The following MRC1 variants were observed in gnomAD, a reference collection of about 807,000 sequenced individuals.
MRC1 encodes macrophage mannose receptor 1.
A neutral mutation model predicts 102.9 loss-of-function variants in MRC1; 62 were observed. The observed-to-expected ratio is 0.60, with a 90% confidence interval of 0.49 to 0.74. The LOEUF (loss-of-function observed/expected upper bound fraction) is 0.74, where lower values mean the gene tolerates loss of function less well. Ranked by LOEUF, MRC1 falls within the 30% of genes least tolerant of loss-of-function variation. MRC1 has a pLI of 0.00. For synonymous variants in MRC1, 457 were observed against 298.4 expected, an observed-to-expected ratio of 1.53 and a Z score of -5.48; for missense variants, 1,237 against 862.8, an observed-to-expected ratio of 1.43 and a Z score of -5.43.
intron 3 of MRC1, among the ~76,000 whole-genome samples, chr10:17,832,601 T>G (rs1838592613): frequency 4.1e-5 from 6 of 147,704 alleles, no homozygotes; most frequent in Non-Finnish European, 7.4e-5. Flanking sequence ...ATTTATTTAG[T>G]TTTTGAGACG....
At chr10:17,843,790 G>T (rs1705570421) in intron 5 of MRC1, among the ~76,000 whole-genome samples, 1 of 152,064 alleles carries the variant, frequency 6.6e-6, no homozygotes, top group African/African-American at 2.4e-5. Flanking sequence ...CTTTAAAAAG[G>T]TTATTTAGGT....
At chr10:17,849,462 C>A in intron 6 of MRC1, 117 bp from the exon 7 acceptor site, 1 of 629,890 alleles carries the variant, frequency 1.6e-6, no homozygotes, top group Non-Finnish European at 2.9e-6. Context: ...TAAATGTTAC[C>A]TTTATTTGCC....
intron 1 of MRC1, among the ~76,000 whole-genome samples, chr10:17,819,438 T>G (rs924319501): frequency 1.7e-4 from 25 of 148,958 alleles, no homozygotes; most frequent in African/African-American, 6.3e-4. Context: ...GGTATATGTA[T>G]GAATTCAGAG....
chr10:17,833,937 C>G (rs1838622049), intron 4 of MRC1, 98 bp downstream of exon 4: 1 of 708,612 alleles, frequency 1.4e-6, no homozygotes, highest in Admixed American at 2.1e-5. Flanking sequence ...GATGTTATGA[C>G]AGAAGCAATT....
At chr10:17,864,446 A>G (rs1292641810) in intron 11 of MRC1, among the ~76,000 whole-genome samples, 2 of 151,320 alleles carry the variant, frequency 1.3e-5, no homozygotes, top group Non-Finnish European at 2.9e-5. Flanking sequence ...CATATCTTCC[A>G]TGTGCTACCA....
chr10:17,907,874 TGA>T (rs1399870080), intron 28 of MRC1, among the ~76,000 whole-genome samples, 176 bp downstream of exon 28: 14 of 152,238 alleles, frequency 9.2e-5, no homozygotes, highest in African/African-American at 2.9e-4. Flanking sequence ...TCTGCGTGAG[TGA>T]GAGACACTCT....
chr10:17,872,277 T>C (rs1247022377), intron 15 of MRC1, 151 bp downstream of exon 15: 2 of 741,070 alleles, frequency 2.7e-6, no homozygotes, highest in African/African-American at 3.5e-5. Context: ...AGCATGAAGT[T>C]GATAAGCACA....
At position 17,813,428 on chromosome 10, in the gene MRC1, G is replaced by A. The variant is rs1266533326; in HGVS notation, c.61+3902G>A. 2.6e-5 allele frequency among the ~76,000 whole-genome samples: 4 copies of A among 152,070 alleles called. No homozygotes were observed. The East Asian group carries it at 7.7e-4, about 29-fold the overall frequency. Reference sequence around the variant, plus strand: ...TTATCACAGTAGTGGTTTTTCACAAGCACTCTTGAAAACTTTGATTCCAAT... The same window carrying A: ...TTATCACAGTAGTGGTTTTTCACAAACACTCTTGAAAACTTTGATTCCAAT... On this transcript the variant is annotated intron_variant, in intron 1 of 29. Transcript: ENST00000569591.
intron 17 of MRC1, among the ~76,000 whole-genome samples, chr10:17,877,634 A>T (rs1167111942): frequency 6.6e-6 from 1 of 152,146 alleles, no homozygotes; most frequent in East Asian, 1.9e-4. Context: ...ATTGTTGAAG[A>T]CATTCTTTAA....
chr10:17,905,723 G>C (rs1833886020), intron 26 of MRC1, among the ~76,000 whole-genome samples: 3 of 152,146 alleles, frequency 2.0e-5, no homozygotes, highest in African/African-American at 7.2e-5. Flanking sequence ...TCAGAACTCA[G>C]TAATATGGGA....
At chr10:17,822,511 C>G (rs1288152377) in intron 1 of MRC1, among the ~76,000 whole-genome samples, 1 of 152,108 alleles carries the variant, frequency 6.6e-6, no homozygotes, top group Non-Finnish European at 1.5e-5. Flanking sequence ...GTCCCAGCTA[C>G]TTGGGAGGCT....
At position 17,910,954 on chromosome 10, in the gene MRC1, C is replaced by T. The variant is rs1229429778; in HGVS notation, c.*489C>T. 1 of 178,600 alleles carries T rather than the reference C, an allele frequency of 5.6e-6. No homozygotes were observed. The highest frequency in any genetic ancestry group is 1.2e-5 in the Non-Finnish European group (1 of 83,002). 11.1% of individuals were successfully genotyped at this position (178,600 alleles called of 1,614,324 possible). ...TTATTTCCACTCCAATTATTTAGAACTTTATTTGTACATGTGCAGAAGAAT... is the reference window on the plus strand; with the variant it reads ...TTATTTCCACTCCAATTATTTAGAATTTTATTTGTACATGTGCAGAAGAAT... On this transcript the variant is annotated 3_prime_UTR_variant, in exon 30 of 30. Coordinates refer to ENST00000569591, the MANE Select transcript of MRC1 (RefSeq NM_002438.4).
intron 6 of MRC1, 113 bp from the exon 7 acceptor site, chr10:17,849,466 A>AT: frequency 3.1e-6 from 2 of 642,498 alleles, no homozygotes; most frequent in Non-Finnish European, 5.7e-6. Context: ...TGTTACCTTT[A>AT]TTTGCCTAGT....
intron 9 of MRC1, among the ~76,000 whole-genome samples, chr10:17,857,997 G>C (rs1250259965): frequency 1.3e-5 from 2 of 152,126 alleles, no homozygotes; most frequent in African/African-American, 4.8e-5. Flanking sequence ...AACCCCACAG[G>C]TGAGACTGAA....
At chr10:17,873,710 T>C (rs1833387226) in intron 15 of MRC1, 74 bp from the exon 16 acceptor site, 2 of 839,926 alleles carry the variant, frequency 2.4e-6, no homozygotes, top group Middle Eastern at 2.2e-4. Context: ...CTCATGAAAA[T>C]AGTGACAATA....
chr10:17,848,224 T>C (rs1035021138), intron 6 of MRC1, among the ~76,000 whole-genome samples: 1 of 152,220 alleles, frequency 6.6e-6, no homozygotes, highest in African/African-American at 2.4e-5. Flanking sequence ...TTAAATAATA[T>C]ATACGTTCAC....
intron 2 of MRC1, among the ~76,000 whole-genome samples, chr10:17,826,445 G>T (rs1053768185): frequency 1.3e-5 from 2 of 152,118 alleles, no homozygotes; most frequent in African/African-American, 4.8e-5. Context: ...CTAGTGATCC[G>T]CCTGCCTTGG....
In MRC1 at chr10:17,809,807, CGTT is replaced by C. The variant is rs1339016492; in HGVS notation, c.61+285_61+287del. On this transcript the variant is annotated intron_variant, in intron 1 of 29. Transcript: ENST00000569591. ...TGTCCTCCTGACTTCTCTCATCGCTCGTTGTTCCTTCCCTGTTTTCTTCGTGCA... is the reference window on the plus strand; with the variant it reads ...TGTCCTCCTGACTTCTCTCATCGCTCGTTCCTTCCCTGTTTTCTTCGTGCA... Among the ~76,000 whole-genome samples the C allele has an allele frequency of 8.5e-5, 13 of 152,246 alleles. 1 individual carries two copies. In the East Asian group the frequency reaches 2.5e-3, roughly 29 times the overall value.
chr10:17,814,739 G>A (rs1173171121), intron 1 of MRC1, among the ~76,000 whole-genome samples: 1 of 138,788 alleles, frequency 7.2e-6, no homozygotes, highest in Non-Finnish European at 1.5e-5. Context: ...AGGCTGGAGT[G>A]CAGTGGCGCC....
Sources: allele counts gnomAD v4.1 joint callset (sites outside exome capture counted in the v4.1 genomes callset), GRCh38; gene constraint gnomAD v4.1.1; transcripts MANE v1.5; gene names NCBI Gene and HGNC (gene_info 2026-07-23, HGNC 2026-07-21).